The following RAB31 variants were observed in gnomAD, a reference collection of about 807,000 sequenced individuals.
RAB31 encodes the protein ras-related protein Rab-31.
RAB31 carries 21 observed loss-of-function variants against 25.6 expected under a neutral mutation model. The observed-to-expected ratio is 0.82, with a 90% CI of 0.58 to 1.18. The LOEUF is 1.18. Ranked by LOEUF, RAB31 falls within the 50% of genes most tolerant of loss-of-function variation. The probability of loss-of-function intolerance (pLI) is 0.00; values close to 1 mark genes in which losing one functional copy is unlikely to be tolerated. For synonymous variants in RAB31, 87 were observed against 84.0 expected, an observed-to-expected ratio of 1.04 and a Z score of -0.20; for missense variants, 196 against 250.1, an observed-to-expected ratio of 0.78 and a Z score of 1.46.
intron 3 of RAB31, among the ~76,000 whole-genome samples, chr18:9,793,641 G>A (rs371702585): frequency 1.7e-4 from 25 of 151,342 alleles, no homozygotes; most frequent in African/African-American, 5.3e-4. Flanking sequence ...CAGCCTGGGC[G>A]ACAGAGTGAG....
chr18:9,715,558 C>T (rs919300003), intron 1 of RAB31, among the ~76,000 whole-genome samples: 1 of 133,002 alleles, frequency 7.5e-6, no homozygotes. Context: ...GACATGGAGT[C>T]TCGCTCTGTC....
At chr18:9,783,437 A>G (rs2068415886) in intron 2 of RAB31, among the ~76,000 whole-genome samples, 2 of 152,196 alleles carry the variant, frequency 1.3e-5, no homozygotes, top group African/African-American at 2.4e-5. Context: ...CAAGATTTTA[A>G]AGGCATGAAC....
At chr18:9,846,848 A>G (rs1257497003) in intron 6 of RAB31, among the ~76,000 whole-genome samples, 1 of 152,248 alleles carries the variant, frequency 6.6e-6, no homozygotes, top group Non-Finnish European at 1.5e-5. Flanking sequence ...TACACTATGC[A>G]GAGATATGCA....
At chr18:9,807,041 T>C (rs2068545230) in intron 3 of RAB31, among the ~76,000 whole-genome samples, 1 of 152,110 alleles carries the variant, frequency 6.6e-6, no homozygotes, top group East Asian at 1.9e-4. Context: ...TGTGGAAACT[T>C]TGGACGTCCA....
At chr18:9,759,109 G>A (rs1210101421) in intron 1 of RAB31, among the ~76,000 whole-genome samples, 1 of 152,108 alleles carries the variant, frequency 6.6e-6, no homozygotes, top group Non-Finnish European at 1.5e-5. Flanking sequence ...CAGACATGAG[G>A]AAGGTGGCCT....
intron 1 of RAB31, among the ~76,000 whole-genome samples, chr18:9,729,883 T>C (rs765821411): frequency 1.6e-4 from 25 of 152,228 alleles, no homozygotes; most frequent in Non-Finnish European, 2.9e-4. Flanking sequence ...GTTGTTTTTT[T>C]ACTCTTCTCT....
intron 1 of RAB31, among the ~76,000 whole-genome samples, chr18:9,746,861 C>T (rs1446439394): frequency 6.6e-6 from 1 of 152,070 alleles, no homozygotes; most frequent in East Asian, 1.9e-4. Context: ...TTGTTTTTGG[C>T]AATGGATTCT....
rs1332648726 is a variant in RAB31, at chr18:9,724,128, G to A, written c.39+15684G>A. On this transcript the variant is annotated intron_variant, in intron 1 of 6. Coordinates refer to ENST00000578921, the MANE Select transcript of RAB31 (RefSeq NM_006868.4). ...CTACTAAAAATACAAAAAATTAGCC[G>A]GGCGTAGTGGCGGGCGCCTGTAGTC... 3.3e-5 allele frequency among the ~76,000 whole-genome samples: 5 copies of A among 150,888 alleles called. 1 individual carries two copies. The highest frequency in any genetic ancestry group is 6.6e-5 in the Admixed American group (1 of 15,130).
intron 5 of RAB31, among the ~76,000 whole-genome samples, chr18:9,822,655 A>G (rs1458152488): frequency 6.6e-6 from 1 of 152,200 alleles, no homozygotes; most frequent in African/African-American, 2.4e-5. Flanking sequence ...ACATAAACAG[A>G]CATTTCACCT....
intron 1 of RAB31, chr18:9,735,621 G>T: frequency 6.1e-6 from 1 of 162,920 alleles, no homozygotes; most frequent in East Asian, 1.7e-4. Context: ...AAAAGAGGAA[G>T]ATTTCTACAA....
chr18:9,710,421 G>A (rs1487272270), intron 1 of RAB31, among the ~76,000 whole-genome samples: 1 of 152,204 alleles, frequency 6.6e-6, no homozygotes, highest in Non-Finnish European at 1.5e-5. Context: ...CTCCAAGAAA[G>A]ATACACACTC....
intron 3 of RAB31, among the ~76,000 whole-genome samples, chr18:9,809,232 C>A (rs150617634): frequency 6.6e-6 from 1 of 152,310 alleles, no homozygotes; most frequent in African/African-American, 2.4e-5. Flanking sequence ...TGACCCCACC[C>A]ACTGCACCAG....
At chr18:9,762,341 T>C (rs1043200718) in intron 1 of RAB31, among the ~76,000 whole-genome samples, 4 of 152,202 alleles carry the variant, frequency 2.6e-5, no homozygotes, top group African/African-American at 9.6e-5. Context: ...AATTGCAGAA[T>C]GTAGCAATAA....
Position 9,766,144 on chromosome 18 carries a change from G to A in RAB31, c.40-9134G>A, listed in dbSNP as rs2068314792. 2.6e-5 allele frequency among the ~76,000 whole-genome samples: 4 copies of A among 152,220 alleles called. No individual in the cohort carries two copies. In the South Asian group the frequency reaches 8.3e-4, roughly 32 times the overall value. ...TTGTCTTCTGCTCTGAGTTGACCCT[G>A]GTTTTGGGGCTGTAGAAAGGGGAGG... On this transcript the variant is annotated intron_variant, in intron 1 of 6. Transcript: ENST00000578921. This position sits in a 1 kb window ranked among gnomAD's most constrained non-coding sequence, Gnocchi z 4.3.
chr18:9,756,641 G>T (rs1483047574), intron 1 of RAB31, among the ~76,000 whole-genome samples: 1 of 152,190 alleles, frequency 6.6e-6, no homozygotes, highest in Non-Finnish European at 1.5e-5. Context: ...AGTGAGCATG[G>T]AATGTAAGCC....
At chr18:9,732,458 G>C (rs1335483570) in intron 1 of RAB31, among the ~76,000 whole-genome samples, 1 of 152,210 alleles carries the variant, frequency 6.6e-6, no homozygotes, top group African/African-American at 2.4e-5. Flanking sequence ...TTCATGCTCA[G>C]TGCTCTGTTC....
chr18:9,853,327 C>T (rs995290343), intron 6 of RAB31, among the ~76,000 whole-genome samples: 6 of 151,994 alleles, frequency 3.9e-5, no homozygotes, highest in African/African-American at 1.5e-4. Context: ...GGGATACATC[C>T]ATATAATGGA....
intron 3 of RAB31, among the ~76,000 whole-genome samples, chr18:9,793,042 A>G (rs2068469241): frequency 6.6e-6 from 1 of 152,246 alleles, no homozygotes. Flanking sequence ...ATACTAGCAC[A>G]GTGTCTATTG....
chr18:9,757,732 T>C (rs774953677), intron 1 of RAB31, among the ~76,000 whole-genome samples: 10 of 152,154 alleles, frequency 6.6e-5, no homozygotes, highest in Non-Finnish European at 1.2e-4. Context: ...CAGATCCCCT[T>C]TGGGGAATGT....
Sources: gnomAD v4.1 joint callset for allele counts (sites outside exome capture counted in the v4.1 genomes callset) on GRCh38, gnomAD v4.1.1 for gene constraint, Gnocchi (gnomAD v3.1) non-coding constraint, MANE v1.5 for transcripts, NCBI Gene and HGNC (gene_info 2026-07-23, HGNC 2026-07-21) for gene names.